The following NAALADL2 variants were observed in gnomAD, a reference collection of about 807,000 sequenced individuals.
NAALADL2 encodes N-acetylated alpha-linked acidic dipeptidase like 2.
NAALADL2 carries 76 observed loss-of-function variants against 87.2 expected under a neutral mutation model. That is an observed-to-expected ratio of 0.87 (90% CI 0.72 to 1.05). NAALADL2 has a LOEUF of 1.05. Among genes scored for constraint, NAALADL2 ranks in the 50% least tolerant of loss-of-function variants. The pLI, the probability that NAALADL2 is intolerant of heterozygous loss-of-function variation, is 0.00. For missense variants in NAALADL2, 1,089 were observed against 945.8 expected (o/e 1.15, Z -1.99); for synonymous variants, 354 against 331.0 (o/e 1.07, Z -0.75).
intron 2 of NAALADL2, among the ~76,000 whole-genome samples, chr3:175,181,793 G>GTATATA (rs1736596139): frequency 1.6e-5 from 2 of 128,732 alleles, no homozygotes; most frequent in African/African-American, 5.6e-5. Context: ...ATATATGTGT[G>GTATATA]TGTGTATATA....
chr3:174,775,053 G>C (rs1445950813), intron 3 of NAALADL2, among the ~76,000 whole-genome samples: 1 of 151,976 alleles, frequency 6.6e-6, no homozygotes, highest in Non-Finnish European at 1.5e-5. Context: ...ACTGTTATGA[G>C]TATAATCTGT....
chr3:175,036,493 A>G (rs1753423775), intron 1 of NAALADL2, among the ~76,000 whole-genome samples: 1 of 151,496 alleles, frequency 6.6e-6, no homozygotes, highest in Non-Finnish European at 1.5e-5. Context: ...TCTGCCTCCC[A>G]GGTTCACACT....
At chr3:175,676,255 A>T (rs1734761993) in intron 11 of NAALADL2, 1 of 152,182 alleles carries the variant, frequency 6.6e-6, no homozygotes, top group South Asian at 2.1e-4. Flanking sequence ...GCTTTATAGT[A>T]TTCAGCAGCT....
At chr3:175,664,907 T>C (rs1732746524) in intron 11 of NAALADL2, among the ~76,000 whole-genome samples, 1 of 152,182 alleles carries the variant, frequency 6.6e-6, no homozygotes, top group African/African-American at 2.4e-5. Context: ...GTGAAGGTCC[T>C]TTTACTAATT....
At chr3:174,736,041 C>A (rs1470187160) in intron 2 of NAALADL2, among the ~76,000 whole-genome samples, 1 of 152,106 alleles carries the variant, frequency 6.6e-6, no homozygotes, top group East Asian at 1.9e-4. Flanking sequence ...CCCTGTGAGG[C>A]TGCAGCTGGT....
rs973435375 is a variant in NAALADL2, at chr3:175,599,596, T to A, written c.1800+23409T>A. ...TCTCCAACTCTAAGTTATATTCTAT[T>A]TGTGTTAACATTCAGGCTTCTTCAT... On this transcript the variant is annotated intron_variant, in intron 10 of 13. Coordinates refer to ENST00000454872, the MANE Select transcript of NAALADL2 (RefSeq NM_207015.3). Among the ~76,000 whole-genome samples, 7 of 152,224 alleles carry A rather than the reference T, an allele frequency of 4.6e-5. No individual in the cohort carries two copies. The East Asian group carries it at 9.6e-4, about 21-fold the overall frequency.
intron 1 of NAALADL2, among the ~76,000 whole-genome samples, chr3:174,462,023 TTATAA>T (rs1197884710): frequency 2.0e-5 from 3 of 152,092 alleles, no homozygotes; most frequent in African/African-American, 7.2e-5. Flanking sequence ...GGAATTTGTC[TTATAA>T]TAAGATGATT....
chr3:175,411,192 C>T (rs1333129087), intron 5 of NAALADL2, among the ~76,000 whole-genome samples: 1 of 152,118 alleles, frequency 6.6e-6, no homozygotes, highest in African/African-American at 2.4e-5. Flanking sequence ...CTCTATTAAA[C>T]TGTACAGAGG....
chr3:175,606,196 C>A lies in NAALADL2; in HGVS notation c.1801-21095C>A, dbSNP rs371071736. The stretch of plus-strand genomic sequence containing the variant: ...CCAAAGTATTTAAGTCTGAGGAAAA[C>A]CTCAGTAGAAATGAAGGTTTCATGC... On this transcript the variant is annotated intron_variant, in intron 10 of 13. Coordinates refer to ENST00000454872, the MANE Select transcript of NAALADL2 (RefSeq NM_207015.3). 1.4e-4 allele frequency among the ~76,000 whole-genome samples: 21 copies of A among 152,216 alleles called. No individual in the cohort carries two copies. The East Asian group carries it at 2.3e-3, about 17-fold the overall frequency.
chr3:174,912,487 G>C (rs1413062633), intron 1 of NAALADL2, among the ~76,000 whole-genome samples: 2 of 152,110 alleles, frequency 1.3e-5, no homozygotes, highest in Non-Finnish European at 2.9e-5. Context: ...TGTTTCATTG[G>C]AATCCTAGGT....
At chr3:174,933,523 A>G (rs1166135907) in intron 1 of NAALADL2, among the ~76,000 whole-genome samples, 1 of 152,214 alleles carries the variant, frequency 6.6e-6, no homozygotes, top group East Asian at 1.9e-4. Context: ...TTTTAGACCA[A>G]CTATGTTGTT....
intron 4 of NAALADL2, among the ~76,000 whole-genome samples, chr3:175,265,894 TTTA>T (rs1751845447): frequency 6.6e-6 from 1 of 151,316 alleles, no homozygotes. Flanking sequence ...TATATGTTAA[TTTA>T]TTATCCTCAT....
At chr3:175,264,519 C>T (rs1751602615) in intron 4 of NAALADL2, among the ~76,000 whole-genome samples, 2 of 151,676 alleles carry the variant, frequency 1.3e-5, no homozygotes, top group South Asian at 4.1e-4. Flanking sequence ...CTCAAGACTG[C>T]ACCTTTGTGT....
intron 1 of NAALADL2, chr3:174,458,388 A>T (rs1715989613): frequency 1.3e-5 from 2 of 152,196 alleles, no homozygotes. Flanking sequence ...CCTATTTCAC[A>T]AACTTATTTT....
chr3:175,588,525 C>CT (rs1422315187), intron 10 of NAALADL2, among the ~76,000 whole-genome samples: 1 of 108,336 alleles, frequency 9.2e-6, no homozygotes, highest in African/African-American at 3.5e-5. Flanking sequence ...GACTTTCTTT[C>CT]TTTCTTTTCT....
In NAALADL2 at chr3:175,803,026, T is replaced by C. The variant is rs767551343; in HGVS notation, c.2211T>C (p.Asp737=). The part of the protein sequence containing the change: ...GFYRNILYHL[D]EKTSRFSILI... ...TCAGAAACATCCTCTACCACCTTGA[T>C]GAAAAGACAAGCCGGTTTTCAATAC... Residue 737 remains aspartate (D), a synonymous_variant, in exon 14 of 14, where the codon GAT becomes GAC. Transcript: ENST00000454872. 1 of 1,611,706 alleles carries C rather than the reference T, an allele frequency of 6.2e-7. No individual in the cohort carries two copies. Among genetic ancestry groups the C allele is most frequent in the Non-Finnish European group, 8.5e-7 (1 of 1,178,416 alleles).
At chr3:175,088,427 T>C (rs1719464483) in intron 1 of NAALADL2, among the ~76,000 whole-genome samples, 1 of 152,178 alleles carries the variant, frequency 6.6e-6, no homozygotes, top group African/African-American at 2.4e-5. Context: ...CACTGCTTCC[T>C]AAAAGAACAA....
chr3:175,741,543 T>C (rs1413329221), intron 12 of NAALADL2, among the ~76,000 whole-genome samples: 1 of 151,870 alleles, frequency 6.6e-6, no homozygotes, highest in African/African-American at 2.4e-5. Flanking sequence ...CTGTTGAGAT[T>C]CCTTGGCAAG....
At chr3:175,486,103 C>T (rs1727223394) in intron 9 of NAALADL2, among the ~76,000 whole-genome samples, 1 of 152,112 alleles carries the variant, frequency 6.6e-6, no homozygotes, top group South Asian at 2.1e-4. Context: ...CTGACTAAGA[C>T]ACTTGTCTTA....
Sources: gnomAD v4.1 joint callset for allele counts (sites outside exome capture counted in the v4.1 genomes callset) on GRCh38, gnomAD v4.1.1 for gene constraint, MANE v1.5 for transcripts, NCBI Gene and HGNC (gene_info 2026-07-23, HGNC 2026-07-21) for gene names.